PPID: variants seen among roughly 807,000 people sequenced by gnomAD.
PPID encodes peptidylprolyl isomerase D, also known as peptidyl-prolyl cis-trans isomerase D.
In PPID, 47 loss-of-function variants were observed where a neutral mutation model predicts 48.1. That is an observed-to-expected ratio of 0.98 (90% CI 0.77 to 1.25). PPID has a LOEUF of 1.25. PPID is among the 50% of genes most tolerant of loss of function. The probability of loss-of-function intolerance (pLI) is 0.00; values close to 1 mark genes in which losing one functional copy is unlikely to be tolerated. For missense variants in PPID, 429 were observed against 443.5 expected (o/e 0.97, Z 0.29); for synonymous variants, 163 against 148.8 (o/e 1.10, Z -0.69).
At position 158,722,537 on chromosome 4, in the gene PPID, A is replaced by C. The variant is rs536801449; in HGVS notation, c.85+667T>G. On this transcript the variant is annotated intron_variant, in intron 1 of 9. Transcript: ENST00000307720. ...ATGCATTCAAACACATTGCCTGGCC[A>C]GCAATTCCAACGTGTTCCAGAACAA... 2.6e-5 allele frequency among the ~76,000 whole-genome samples: 4 copies of C among 152,370 alleles called. No individual in the cohort carries two copies. In the East Asian group the frequency reaches 7.7e-4, roughly 29 times the overall value.
At chr4:158,721,227 G>A in intron 2 of PPID, 116 bp downstream of exon 2, 1 of 1,227,630 alleles carries the variant, frequency 8.1e-7, no homozygotes, top group Non-Finnish European at 1.1e-6. Context: ...CCTCAGACAT[G>A]GACGCTAATA....
rs1477037464 is a variant in PPID at position 158,723,359 on chromosome 4, G to A, written c.-71C>T. ...GGCCGCCCGGGCCGCCCAAACTCCAGAGTCCGTCTCCGCCGGAGACCGGCA... is the reference window on the plus strand; with the variant it reads ...GGCCGCCCGGGCCGCCCAAACTCCAAAGTCCGTCTCCGCCGGAGACCGGCA... On this transcript the variant is annotated 5_prime_UTR_variant, in exon 1 of 10. Transcript: ENST00000307720. The A allele has an allele frequency of 1.7e-5, 25 of 1,465,996 alleles. No individual in the cohort carries two copies. Among genetic ancestry groups the A allele is most frequent in the Admixed American group, 7.1e-5 (4 of 56,642 alleles). 90.8% of individuals were successfully genotyped at this position (1,465,996 alleles called of 1,614,324 possible).
chr4:158,712,742 G>C (rs1376105140), intron 7 of PPID, among the ~76,000 whole-genome samples: 2 of 151,854 alleles, frequency 1.3e-5, no homozygotes, highest in African/African-American at 4.8e-5. Context: ...GGGCAACAGA[G>C]TAAGACTCCG....
chr4:158,714,572 G>A (rs369418333), intron 6 of PPID, among the ~76,000 whole-genome samples: 121 of 151,918 alleles, frequency 8.0e-4, no homozygotes, highest in African/African-American at 2.7e-3. Flanking sequence ...AAACAACTGG[G>A]GAAGTTGGAA....
chr4:158,715,625 T>A lies in PPID; in HGVS notation c.582A>T (p.Pro194=). 1 of 1,612,748 alleles carries A rather than the reference T, an allele frequency of 6.2e-7. No homozygotes were observed. Among genetic ancestry groups the A allele is most frequent in the East Asian group, 2.2e-5 (1 of 44,876 alleles). The change falls in exon 5 of 10, where the codon CCA becomes CCT. Residue 194 remains proline, a synonymous_variant. Transcript: ENST00000307720. ...LKEGDDGGIF[P]KDGSGDSHPD... Reference sequence around the variant, plus strand: ...GATGACTGTCGCCAGAGCCATCTTTTGGGAATATTCCCCCGTCATCTCCTT... The same window carrying A: ...GATGACTGTCGCCAGAGCCATCTTTAGGGAATATTCCCCCGTCATCTCCTT...
chr4:158,712,780 G>C (rs1009814237), intron 7 of PPID, among the ~76,000 whole-genome samples: 1 of 151,866 alleles, frequency 6.6e-6, no homozygotes, highest in Non-Finnish European at 1.5e-5. Flanking sequence ...GAAGAAAAAA[G>C]CCATGCCTGA....
rs770830191 is a variant in PPID at position 158,723,305 on chromosome 4, G to A, written c.-17C>T. On this transcript the variant is annotated 5_prime_UTR_variant, in exon 1 of 10. Coordinates refer to ENST00000307720, the MANE Select transcript of PPID (RefSeq NM_005038.3). ...GTGCGACATCTTGACTTGCAGACGT[G>A]TTTAGTACGGAATATCAGAGTACCT... is the stretch of plus-strand genomic sequence containing the variant. 3.1e-6 allele frequency: 5 copies of A among 1,610,226 alleles called. No individual in the cohort carries two copies. The highest frequency in any genetic ancestry group is 2.5e-6 in the Non-Finnish European group (3 of 1,176,938).
Position 158,717,119 on chromosome 4 carries a change from T to C in PPID, c.415A>G (p.Thr139Ala), listed in dbSNP as rs140112626. ...ACATGTTTCCCATCCAAATGAGGAG[T>C]TGGAACTGTTGTGATAAAAAACTGA... ...GSQFFITTVP[T>A]PHLDGKHVVF... Residue 139 changes from threonine (T) to alanine (A), a missense_variant, in exon 4 of 10, where the codon ACT becomes GCT. Transcript: ENST00000307720. The C allele has an allele frequency of 1.5e-4, 247 of 1,614,066 alleles. No individual in the cohort carries two copies. The African/African-American group carries it at 2.4e-3, about 16-fold the overall frequency.
In PPID at chr4:158,716,900, G is replaced by A. The variant is rs989763663; in HGVS notation, c.522+112C>T. 7 of 1,046,092 alleles carry A rather than the reference G, an allele frequency of 6.7e-6. No individual in the cohort carries two copies. In the Admixed American group the frequency reaches 9.4e-5, roughly 14 times the overall value. The allele number at this position is 1,046,092 out of a possible 1,614,324, so 64.8% of individuals were successfully genotyped here. ...AGCTTGAACCTGGGAGACAGAGGCT[G>A]CAGTGAGCCGAGACCGCACCACTGC... is the stretch of plus-strand genomic sequence containing the variant. On this transcript the variant is annotated intron_variant, in intron 4 of 9. Coordinates refer to ENST00000307720, the MANE Select transcript of PPID (RefSeq NM_005038.3).
chr4:158,715,974 T>C (rs932646563), intron 4 of PPID, among the ~76,000 whole-genome samples: 4 of 152,252 alleles, frequency 2.6e-5, no homozygotes, highest in Admixed American at 1.3e-4. Context: ...TTTACTACTA[T>C]TCTTGTCATA....
At chr4:158,718,097 T>C (rs1774900708) in intron 3 of PPID, among the ~76,000 whole-genome samples, 1 of 152,236 alleles carries the variant, frequency 6.6e-6, no homozygotes, top group Non-Finnish European at 1.5e-5. Context: ...TATAGGCCCC[T>C]TTTCTCTATG....
chr4:158,712,968 CT>C, intron 7 of PPID, 150 bp downstream of exon 7: 2 of 768,124 alleles, frequency 2.6e-6, no homozygotes, highest in Non-Finnish European at 4.1e-6. Context: ...AGAGAAAGAA[CT>C]GAGGGTCCAA....
At chr4:158,722,639 G>A (rs1561258494) in intron 1 of PPID, among the ~76,000 whole-genome samples, 1 of 152,180 alleles carries the variant, frequency 6.6e-6, no homozygotes, top group Non-Finnish European at 1.5e-5. Context: ...TGTAACCTAG[G>A]CAACACCATC....
Position 158,715,342 on chromosome 4 carries a change from G to C in PPID, c.707C>G (p.Ser236Cys). 6.5e-7 allele frequency: 1 copy of C among 1,540,842 alleles called. No homozygotes were observed. Among genetic ancestry groups the C allele is most frequent in the Non-Finnish European group, 8.7e-7 (1 of 1,145,730 alleles). The change falls in exon 6 of 10, where the codon TCC becomes TGC. Residue 236 changes from serine to cysteine, a missense_variant. Physicochemically the swap from Ser to Cys is moderately radical, Grantham distance 112 (BLOSUM62 -1). Coordinates refer to ENST00000307720, the MANE Select transcript of PPID (RefSeq NM_005038.3). ...TTTAATAGCCATCTCCCAGTTCTGG[G>C]ATTTGAAAAAAGTATTTCCAATGTT... ...LKNIGNTFFKSQNWEMAIKKY... is the reference protein window; with the variant it reads ...LKNIGNTFFKCQNWEMAIKKY...
chr4:158,711,474 GC>G (rs1561254444), intron 7 of PPID, among the ~76,000 whole-genome samples: 1 of 151,536 alleles, frequency 6.6e-6, no homozygotes, highest in Non-Finnish European at 1.5e-5. Context: ...TCTGCCCGCC[GC>G]CGTGGCCTCC....
At chr4:158,716,832 G>A (rs1240970460) in intron 4 of PPID, among the ~76,000 whole-genome samples, 180 bp downstream of exon 4, 3 of 152,186 alleles carry the variant, frequency 2.0e-5, no homozygotes, top group South Asian at 2.1e-4. Context: ...GTTGTAGCGC[G>A]CGCCTGTAAT....
chr4:158,710,465 T>C, intron 9 of PPID, 163 bp downstream of exon 9: 1 of 696,806 alleles, frequency 1.4e-6, no homozygotes, highest in South Asian at 1.8e-5. Context: ...GCAGGGACTT[T>C]GACTGTCTTG....
At chr4:158,715,074 G>A (rs923442213) in intron 6 of PPID, among the ~76,000 whole-genome samples, 2 of 152,088 alleles carry the variant, frequency 1.3e-5, no homozygotes, top group African/African-American at 2.4e-5. Context: ...TTAAAAATTG[G>A]TGAATGTAAG....
In PPID at chr4:158,717,162, G is replaced by T. The variant is rs747950446; in HGVS notation, c.372C>A (p.Gly124=). ...REGLLSMANA[G]RNTNGSQFFI... is the part of the protein sequence containing the mutation. The stretch of plus-strand genomic sequence containing the variant: ...AAAACTGAGAACCGTTTGTGTTGCG[G>T]CCTGCATTTGCCATGCTCAGTAAAC... The change falls in exon 4 of 10, where the codon GGC becomes GGA. Residue 124 remains glycine, a synonymous_variant. Transcript: ENST00000307720. 9.9e-6 allele frequency: 16 copies of T among 1,613,934 alleles called. No homozygotes were observed. In the South Asian group the frequency reaches 1.6e-4, roughly 17 times the overall value.
Sources: gnomAD v4.1 joint callset for allele counts (sites outside exome capture counted in the v4.1 genomes callset) on GRCh38, gnomAD v4.1.1 for gene constraint, MANE v1.5 for transcripts, NCBI Gene and HGNC (gene_info 2026-07-23, HGNC 2026-07-21) for gene names.